The following ST6GAL1 variants were observed in gnomAD, a reference collection of about 807,000 sequenced individuals.
The protein encoded by ST6GAL1 is beta-galactoside alpha-2,6-sialyltransferase 1.
Under a neutral mutation model 38.0 loss-of-function variants are expected in ST6GAL1, and 20 were observed. That is an observed-to-expected ratio of 0.53 (90% confidence interval 0.37 to 0.77). ST6GAL1 has a LOEUF of 0.77. Ranked by LOEUF, ST6GAL1 falls within the 30% of genes least tolerant of loss-of-function variation. The probability of loss-of-function intolerance (pLI) is 0.00; values close to 1 mark genes in which losing one functional copy is unlikely to be tolerated. For missense variants in ST6GAL1, 432 were observed against 496.4 expected, an observed-to-expected ratio of 0.87 and a Z score of 1.23; for synonymous variants, 196 against 188.2, an observed-to-expected ratio of 1.04 and a Z score of -0.34.
intron 5 of ST6GAL1, among the ~76,000 whole-genome samples, chr3:187,052,006 A>C (rs1196117701): frequency 6.6e-6 from 1 of 152,196 alleles, no homozygotes; most frequent in Non-Finnish European, 1.5e-5. Context: ...TGCCCATCTC[A>C]CAACCACCAA....
At chr3:187,051,538 A>T (rs1373701306) in intron 5 of ST6GAL1, 192 bp downstream of exon 5, 1 of 561,166 alleles carries the variant, frequency 1.8e-6, no homozygotes, top group Admixed American at 3.1e-5. Flanking sequence ...TTTAAAGAAA[A>T]ACCCTTTAGT....
intron 1 of ST6GAL1, among the ~76,000 whole-genome samples, chr3:186,961,326 C>A (rs1291177097): frequency 6.6e-6 from 1 of 152,136 alleles, no homozygotes; most frequent in East Asian, 1.9e-4. Context: ...TCCACCACTA[C>A]CTTTCCCTTC....
chr3:186,938,197 T>C (rs953349661), intron 1 of ST6GAL1, among the ~76,000 whole-genome samples: 1 of 152,232 alleles, frequency 6.6e-6, no homozygotes, highest in Non-Finnish European at 1.5e-5. Flanking sequence ...GTATGACCAT[T>C]TTTAAAACTT....
intron 2 of ST6GAL1, among the ~76,000 whole-genome samples, chr3:186,989,052 AGGTGTAGTCATTCCTCTT>A (rs1716060121): frequency 6.6e-6 from 1 of 152,230 alleles, no homozygotes; most frequent in South Asian, 2.1e-4. Flanking sequence ...TGCATCGTAG[AGGTGTAGTCATTCCTCTT>A]GTTTTACAGT....
chr3:186,996,310 G>A (rs1028144479), intron 2 of ST6GAL1, among the ~76,000 whole-genome samples: 4 of 152,088 alleles, frequency 2.6e-5, no homozygotes, highest in African/African-American at 9.7e-5. Flanking sequence ...GAAATAATCC[G>A]GATCTTATTT....
At chr3:186,932,759 T>A (rs1229062587) in intron 1 of ST6GAL1, among the ~76,000 whole-genome samples, 1 of 13,626 alleles carries the variant, frequency 7.3e-5, no homozygotes, top group Non-Finnish European at 2.8e-3. Context: ...TTATTAAAGT[T>A]ACTTTTTTTT....
At chr3:187,026,768 A>G (rs1717551971) in intron 2 of ST6GAL1, among the ~76,000 whole-genome samples, 1 of 152,182 alleles carries the variant, frequency 6.6e-6, no homozygotes, top group Non-Finnish European at 1.5e-5. Context: ...AAATGGGGCC[A>G]GGTGCGGTGG....
At chr3:187,047,511 A>C (rs1718340919) in intron 4 of ST6GAL1, among the ~76,000 whole-genome samples, 1 of 152,136 alleles carries the variant, frequency 6.6e-6, no homozygotes, top group Admixed American at 6.5e-5. Flanking sequence ...TAAGCGTGTG[A>C]TTGTATAATC....
intron 2 of ST6GAL1, among the ~76,000 whole-genome samples, chr3:186,984,971 C>T (rs1233305852): frequency 4.0e-5 from 6 of 151,684 alleles, no homozygotes; most frequent in Non-Finnish European, 8.8e-5. Context: ...TGCAGTGGCA[C>T]GTTCTCGGCT....
At chr3:187,063,668 G>A (rs116662976) in intron 5 of ST6GAL1, among the ~76,000 whole-genome samples, 10 of 152,284 alleles carry the variant, frequency 6.6e-5, no homozygotes, top group African/African-American at 1.7e-4. Flanking sequence ...GCACTTCTTC[G>A]TGATGATTCA....
At chr3:186,994,077 T>C (rs2108547706) in intron 2 of ST6GAL1, among the ~76,000 whole-genome samples, 1 of 152,294 alleles carries the variant, frequency 6.6e-6, no homozygotes, top group Admixed American at 6.5e-5. Flanking sequence ...TCCTTAAATA[T>C]CAACTAGTAG....
intron 5 of ST6GAL1, among the ~76,000 whole-genome samples, chr3:187,066,010 A>C (rs566325400): frequency 1.3e-5 from 2 of 152,032 alleles, no homozygotes; most frequent in Admixed American, 6.5e-5. Flanking sequence ...TAAATCACCA[A>C]AGCTTTCTGG....
intron 1 of ST6GAL1, among the ~76,000 whole-genome samples, chr3:186,959,673 A>G (rs1243942427): frequency 6.6e-6 from 1 of 152,216 alleles, no homozygotes; most frequent in African/African-American, 2.4e-5. Flanking sequence ...AATAATCCGG[A>G]AAGTCTCCTT....
chr3:187,048,929 T>TGAGTCTCCA (rs1316822597), intron 4 of ST6GAL1, among the ~76,000 whole-genome samples: 2 of 148,884 alleles, frequency 1.3e-5, no homozygotes, highest in Non-Finnish European at 3.0e-5. Context: ...CTTGTTCTGT[T>TGAGTCTCCA]GCCCAGGCTG....
chr3:187,068,960 G>A (rs1441798929), intron 5 of ST6GAL1, among the ~76,000 whole-genome samples: 1 of 152,158 alleles, frequency 6.6e-6, no homozygotes, highest in East Asian at 1.9e-4. Context: ...TCCCCATCTA[G>A]CAGGAAGCCT....
chr3:186,974,945 G>GT (rs1715474149), intron 2 of ST6GAL1: 1 of 152,208 alleles, frequency 6.6e-6, no homozygotes, highest in African/African-American at 2.4e-5. Flanking sequence ...GCAATACCTG[G>GT]TATTGCAGTG....
At chr3:187,051,825 A>G (rs1393359328) in intron 5 of ST6GAL1, among the ~76,000 whole-genome samples, 2 of 152,170 alleles carry the variant, frequency 1.3e-5, no homozygotes, top group Non-Finnish European at 2.9e-5. Context: ...ATTCCCCTGG[A>G]TAATTAGGTT....
At chr3:187,011,690 C>T (rs1169293769) in intron 2 of ST6GAL1, among the ~76,000 whole-genome samples, 2 of 152,180 alleles carry the variant, frequency 1.3e-5, no homozygotes, top group East Asian at 1.9e-4. Context: ...ACCTTTTATT[C>T]TTCCAGGCTC....
chr3:187,012,753 C>G (rs1302028019), intron 2 of ST6GAL1, among the ~76,000 whole-genome samples: 1 of 152,210 alleles, frequency 6.6e-6, no homozygotes, highest in Non-Finnish European at 1.5e-5. Flanking sequence ...TCTCTGGGAC[C>G]ATCTCAGTGA....
Sources: gnomAD v4.1 joint callset for allele counts (sites outside exome capture counted in the v4.1 genomes callset) on GRCh38, gnomAD v4.1.1 for gene constraint, MANE v1.5 for transcripts, NCBI Gene and HGNC (gene_info 2026-07-23, HGNC 2026-07-21) for gene names.